The following KLF12 variants were observed in gnomAD, a reference collection of about 807,000 sequenced individuals.
The protein encoded by KLF12 is KLF transcription factor 12, also known as Krueppel-like factor 12.
In KLF12, 9 loss-of-function variants were observed where a neutral mutation model predicts 37.8. The observed-to-expected ratio is 0.24, with a 90% CI of 0.14 to 0.42. The LOEUF is 0.42. Among genes scored for constraint, KLF12 ranks in the 10% least tolerant of loss-of-function variants. KLF12 has a pLI of 1.00. For synonymous variants in KLF12, 208 were observed against 202.1 expected (o/e 1.03, Z -0.25); for missense variants, 411 against 516.0 (o/e 0.80, Z 1.97).
intron 5 of KLF12, among the ~76,000 whole-genome samples, chr13:73,798,164 T>C (rs59538637): frequency 0.024 from 3,630 of 152,206 alleles, 125 homozygotes; most frequent in African/African-American, 0.08. Flanking sequence ...AAACGAGCAA[T>C]GGGGAAAAGA....
the KLF12 span, among the ~76,000 whole-genome samples, chr13:74,273,565 T>A: frequency 3.9e-5 from 6 of 152,106 alleles, no homozygotes; most frequent in African/African-American, 1.4e-4. Context: ...AGAATTGTGC[T>A]TAATATTTGC....
chr13:73,865,883 T>C (rs577325080), intron 3 of KLF12, among the ~76,000 whole-genome samples: 22 of 152,212 alleles, frequency 1.4e-4, no homozygotes, highest in African/African-American at 3.1e-4. Context: ...CAGAAGGACA[T>C]AGAAATGATT....
At chr13:74,206,135 G>C in the KLF12 span, among the ~76,000 whole-genome samples, 1 of 151,804 alleles carries the variant, frequency 6.6e-6, no homozygotes, top group Non-Finnish European at 1.5e-5. Context: ...TAAAATCTAG[G>C]GATATAATTG....
chr13:74,231,795 A>G, the KLF12 span: 3 of 152,152 alleles, frequency 2.0e-5, no homozygotes, highest in Admixed American at 1.3e-4. Context: ...AGGAATTATT[A>G]TTATATGCTT....
intron 1 of KLF12, among the ~76,000 whole-genome samples, chr13:74,011,510 C>T (rs1224585104): frequency 1.3e-5 from 2 of 152,094 alleles, no homozygotes; most frequent in Admixed American, 6.5e-5. Flanking sequence ...GATATACAGT[C>T]GGCCCTCTTT....
chr13:73,803,599 C>A (rs1304424282), intron 5 of KLF12, among the ~76,000 whole-genome samples: 1 of 152,000 alleles, frequency 6.6e-6, no homozygotes, highest in Non-Finnish European at 1.5e-5. Context: ...TCTCTCCTCC[C>A]ACCCCCTCCA....
At chr13:73,910,078 T>A (rs1464955387) in intron 3 of KLF12, among the ~76,000 whole-genome samples, 1 of 152,176 alleles carries the variant, frequency 6.6e-6, no homozygotes, top group Admixed American at 6.5e-5. Flanking sequence ...GCAAGTTAAA[T>A]GTATAGCTGG....
chr13:73,751,938 A>G (rs1878788240), intron 6 of KLF12, among the ~76,000 whole-genome samples: 1 of 152,136 alleles, frequency 6.6e-6, no homozygotes, highest in African/African-American at 2.4e-5. Flanking sequence ...GAGGACACAC[A>G]CAGGCAGCCT....
chr13:74,147,711 T>G, the KLF12 span, among the ~76,000 whole-genome samples: 4 of 152,026 alleles, frequency 2.6e-5, no homozygotes, highest in African/African-American at 9.7e-5. Flanking sequence ...CTTTTTTCCC[T>G]AAGAAAACAG....
chr13:74,295,586 G>A, the KLF12 span, among the ~76,000 whole-genome samples: 6 of 152,128 alleles, frequency 3.9e-5, no homozygotes, highest in South Asian at 4.1e-4. Context: ...TTGCCCCAAC[G>A]TGATTGTGAC....
chr13:74,249,251 A>G, the KLF12 span, among the ~76,000 whole-genome samples: 1 of 151,982 alleles, frequency 6.6e-6, no homozygotes, highest in African/African-American at 2.4e-5. Flanking sequence ...AGAACCTAGC[A>G]CAGTGAATGG....
At chr13:73,877,653 G>C (rs1322832217) in intron 3 of KLF12, among the ~76,000 whole-genome samples, 1 of 152,130 alleles carries the variant, frequency 6.6e-6, no homozygotes, top group Non-Finnish European at 1.5e-5. Flanking sequence ...TCACCTTCTT[G>C]CTAGTACCTA....
chr13:73,949,570 T>C (rs1890568760), intron 2 of KLF12, among the ~76,000 whole-genome samples: 1 of 152,244 alleles, frequency 6.6e-6, no homozygotes, highest in Non-Finnish European at 1.5e-5. Context: ...TTCTTGCCTT[T>C]GGTGGCTCAC....
intron 1 of KLF12, among the ~76,000 whole-genome samples, chr13:74,079,540 T>C (rs1487262789): frequency 5.9e-5 from 9 of 152,188 alleles, no homozygotes; most frequent in Admixed American, 5.2e-4. Flanking sequence ...TAACTTTCCA[T>C]TGAAAACTAC....
intron 4 of KLF12, among the ~76,000 whole-genome samples, chr13:73,829,743 T>C (rs1180465137): frequency 4.6e-5 from 7 of 152,180 alleles, no homozygotes; most frequent in African/African-American, 1.7e-4. Context: ...CCCAGTATCT[T>C]TTCTGGAATA....
intron 3 of KLF12, among the ~76,000 whole-genome samples, chr13:73,923,160 C>A (rs983207726): frequency 6.6e-6 from 1 of 152,074 alleles, no homozygotes; most frequent in African/African-American, 2.4e-5. Flanking sequence ...ACTCTCTTAG[C>A]AGAGAAGAGG....
At chr13:74,043,896 C>T (rs78656858) in intron 1 of KLF12, among the ~76,000 whole-genome samples, 3,854 of 152,258 alleles carry the variant, frequency 0.025, 70 homozygotes, top group Non-Finnish European at 0.039. Context: ...TACTAACAAT[C>T]TTGCAGAGAA....
At chr13:74,178,458 G>A in the KLF12 span, among the ~76,000 whole-genome samples, 1 of 152,150 alleles carries the variant, frequency 6.6e-6, no homozygotes, top group African/African-American at 2.4e-5. Flanking sequence ...GTCTGCCATA[G>A]TATTATAGAA....
chr13:73,694,236 G>C lies in KLF12; in HGVS notation c.*1254C>G, dbSNP rs1873981814. ...CCCATTAACCGAAGAGTTAATTCCC[G>C]GCTATGCCTCCCTTGCCTTTCTAGT... is the stretch of plus-strand genomic sequence containing the variant. On this transcript the variant is annotated 3_prime_UTR_variant, in exon 8 of 8. Transcript: ENST00000377669. 6.6e-6 allele frequency: 1 copy of C among 152,618 alleles called. No individual in the cohort carries two copies. Among genetic ancestry groups the C allele is most frequent in the African/African-American group, 2.4e-5 (1 of 41,530 alleles). The allele number at this position is 152,618 out of a possible 1,614,324, so 9.5% of individuals were successfully genotyped here.
Sources: gnomAD v4.1 joint callset for allele counts (sites outside exome capture counted in the v4.1 genomes callset) on GRCh38, gnomAD v4.1.1 for gene constraint, MANE v1.5 for transcripts, NCBI Gene and HGNC (gene_info 2026-07-23, HGNC 2026-07-21) for gene names.